The following GRID2 variants were observed in gnomAD, a reference collection of about 807,000 sequenced individuals.
GRID2 encodes glutamate receptor ionotropic, delta-2.
In GRID2, 33 loss-of-function variants were observed where a neutral mutation model predicts 114.8. The ratio of observed to expected loss-of-function variants is 0.29; its 90% CI spans 0.22 to 0.38. The LOEUF is 0.38. GRID2 is among the 10% of genes least tolerant of loss of function. The probability of loss-of-function intolerance (pLI) is 1.00; values close to 1 mark genes in which losing one functional copy is unlikely to be tolerated. For synonymous variants in GRID2, 505 were observed against 449.9 expected (o/e 1.12, Z -1.55); for missense variants, 1,184 against 1,257.7 (o/e 0.94, Z 0.89).
intron 2 of GRID2, among the ~76,000 whole-genome samples, chr4:92,776,053 T>C (rs1469871110): frequency 3.3e-5 from 5 of 152,186 alleles, no homozygotes; most frequent in African/African-American, 9.7e-5. Context: ...TTAACAGATA[T>C]GTTTTGATAA....
intron 2 of GRID2, among the ~76,000 whole-genome samples, chr4:92,966,164 G>C (rs1010978229): frequency 6.6e-6 from 1 of 151,886 alleles, no homozygotes; most frequent in Non-Finnish European, 1.5e-5. Flanking sequence ...AAAACAAAGG[G>C]CAAGGCCTCT....
At chr4:92,876,589 G>T (rs1410794846) in intron 2 of GRID2, among the ~76,000 whole-genome samples, 1 of 152,158 alleles carries the variant, frequency 6.6e-6, no homozygotes, top group Non-Finnish European at 1.5e-5. Context: ...ACAGGCGTGA[G>T]CCACCGCACC....
intron 1 of GRID2, among the ~76,000 whole-genome samples, chr4:92,545,985 T>C (rs547342747): frequency 2.6e-5 from 4 of 152,298 alleles, no homozygotes; most frequent in Admixed American, 1.3e-4. Flanking sequence ...GTACTTCTAT[T>C]TGGCAAACTT....
intron 1 of GRID2, among the ~76,000 whole-genome samples, chr4:92,376,489 C>G (rs752179650): frequency 2.0e-5 from 3 of 151,992 alleles, no homozygotes; most frequent in African/African-American, 7.3e-5. Context: ...CTTTTCCAGG[C>G]ATATGGTGCA....
At chr4:93,420,022 T>A in intron 9 of GRID2, among the ~76,000 whole-genome samples, 1 of 152,248 alleles carries the variant, frequency 6.6e-6, no homozygotes, top group East Asian at 1.9e-4. Flanking sequence ...GTGATTAAAT[T>A]ACTGATAAAC....
At chr4:93,335,157 A>G (rs1247264885) in intron 8 of GRID2, among the ~76,000 whole-genome samples, 1 of 152,212 alleles carries the variant, frequency 6.6e-6, no homozygotes, top group East Asian at 1.9e-4. Flanking sequence ...ATTTATAACT[A>G]ATACTTAATT....
intron 2 of GRID2, among the ~76,000 whole-genome samples, chr4:92,970,308 T>C (rs1398265432): frequency 6.6e-6 from 1 of 151,878 alleles, no homozygotes; most frequent in Non-Finnish European, 1.5e-5. Context: ...TCTTTCTTTA[T>C]TCAGTCTCTT....
At chr4:92,866,928 C>T (rs546733082) in intron 2 of GRID2, among the ~76,000 whole-genome samples, 1 of 152,274 alleles carries the variant, frequency 6.6e-6, no homozygotes, top group African/African-American at 2.4e-5. Context: ...TAACCCCTGG[C>T]ATTCTGTTTT....
At chr4:93,201,921 T>TG (rs1296352358) in intron 4 of GRID2, among the ~76,000 whole-genome samples, 1 of 148,074 alleles carries the variant, frequency 6.8e-6, no homozygotes, top group Non-Finnish European at 1.5e-5. Context: ...AGGACTTGAT[T>TG]TTTTTTTTTC....
At chr4:93,630,227 GGTAA>G (rs1255549770) in intron 14 of GRID2, among the ~76,000 whole-genome samples, 1 of 152,056 alleles carries the variant, frequency 6.6e-6, no homozygotes, top group Non-Finnish European at 1.5e-5. Flanking sequence ...GCGTGAGTGT[GGTAA>G]GTAAGGCTTG....
At chr4:92,668,685 C>T (rs984887226) in intron 2 of GRID2, among the ~76,000 whole-genome samples, 76 of 151,872 alleles carry the variant, frequency 5.0e-4, no homozygotes, top group African/African-American at 1.8e-3. Flanking sequence ...ATGTAGTACA[C>T]CTTTAGCATG....
chr4:92,665,797 C>T (rs1732743077), intron 2 of GRID2, among the ~76,000 whole-genome samples: 1 of 151,022 alleles, frequency 6.6e-6, no homozygotes, highest in Admixed American at 6.6e-5. Flanking sequence ...CTGATAGTCT[C>T]ATTGAGGTTG....
chr4:93,130,452 A>T (rs6812445), intron 4 of GRID2, among the ~76,000 whole-genome samples: 12,101 of 152,250 alleles, frequency 0.079, 541 homozygotes, highest in East Asian at 0.2. Context: ...TCAGGGGGAA[A>T]AAAACTGGTA....
At chr4:92,775,285 A>C (rs1738736518) in intron 2 of GRID2, among the ~76,000 whole-genome samples, 1 of 152,126 alleles carries the variant, frequency 6.6e-6, no homozygotes, top group Non-Finnish European at 1.5e-5. Context: ...CCTTTCGCTC[A>C]CTGTTTTGCA....
intron 14 of GRID2, among the ~76,000 whole-genome samples, chr4:93,760,689 C>G (rs1325614814): frequency 6.6e-6 from 1 of 152,206 alleles, no homozygotes; most frequent in Non-Finnish European, 1.5e-5. Flanking sequence ...TTCTAAAAAA[C>G]TACTAATTAA....
intron 4 of GRID2, among the ~76,000 whole-genome samples, chr4:93,178,648 A>G (rs925830296): frequency 6.6e-6 from 1 of 151,868 alleles, no homozygotes; most frequent in African/African-American, 2.4e-5. Context: ...TCGGCCTCCC[A>G]AAGTGCTAGG....
At chr4:92,352,452 C>A (rs923130041) in intron 1 of GRID2, among the ~76,000 whole-genome samples, 6 of 151,678 alleles carry the variant, frequency 4.0e-5, no homozygotes, top group Middle Eastern at 3.4e-3. Flanking sequence ...AAATATTTTT[C>A]CCATTCTGCA....
intron 1 of GRID2, among the ~76,000 whole-genome samples, chr4:92,390,005 G>A (rs1319411000): frequency 6.6e-6 from 1 of 152,066 alleles, no homozygotes. Context: ...GAATTAGGTA[G>A]AGGTTAGCAA....
chr4:93,744,612 A>G (rs535355488), intron 14 of GRID2, among the ~76,000 whole-genome samples: 1 of 152,306 alleles, frequency 6.6e-6, no homozygotes, highest in African/African-American at 2.4e-5. Context: ...TGGTTTCTTG[A>G]GATAGAAGCT....
Sources: gnomAD v4.1 joint callset for allele counts (sites outside exome capture counted in the v4.1 genomes callset) on GRCh38, gnomAD v4.1.1 for gene constraint, MANE v1.5 for transcripts, NCBI Gene and HGNC (gene_info 2026-07-23, HGNC 2026-07-21) for gene names.